The following ITGA4 variants were observed in gnomAD, a reference collection of about 807,000 sequenced individuals.
ITGA4 encodes integrin alpha-4.
A neutral mutation model predicts 133.6 loss-of-function variants in ITGA4; 63 were observed. The observed-to-expected ratio is 0.47, with a 90% confidence interval of 0.38 to 0.58. The LOEUF is 0.58. Among genes scored for constraint, ITGA4 ranks in the 20% least tolerant of loss-of-function variants. The pLI is 0.00. For synonymous variants in ITGA4, 483 were observed against 438.0 expected, an observed-to-expected ratio of 1.10 and a Z score of -1.28; for missense variants, 1,076 against 1,252.7, an observed-to-expected ratio of 0.86 and a Z score of 2.13.
rs1358313120 is a variant in ITGA4 at position 181,536,715 on chromosome 2, A to ATGAGGTTCT, written c.*1189_*1197dup. ...TATTTTTATAGTTTGTTCATACTAT[A>ATGAGGTTCT]TGAGGTTCTATTTTAAATGACTTTC... is the stretch of plus-strand genomic sequence containing the variant. On this transcript the variant is annotated 3_prime_UTR_variant, in exon 28 of 28. Coordinates refer to ENST00000397033, the MANE Select transcript of ITGA4 (RefSeq NM_000885.6). The ATGAGGTTCT allele has an allele frequency of 4.2e-6, 1 of 237,264 alleles. No individual in the cohort carries two copies. Among genetic ancestry groups the ATGAGGTTCT allele is most frequent in the Non-Finnish European group, 8.5e-6 (1 of 117,802 alleles). The allele number at this position is 237,264 out of a possible 1,614,324, so 14.7% of individuals were successfully genotyped here.
intron 16 of ITGA4, among the ~76,000 whole-genome samples, 155 bp from the exon 17 acceptor site, chr2:181,511,544 A>G (rs924189105): frequency 3.3e-5 from 5 of 152,048 alleles, no homozygotes; most frequent in Non-Finnish European, 7.4e-5. Context: ...CTAATTCTCA[A>G]ATTGAACTTT....
chr2:181,470,139 G>T (rs1018030861), intron 2 of ITGA4, among the ~76,000 whole-genome samples: 1 of 151,966 alleles, frequency 6.6e-6, no homozygotes, highest in Non-Finnish European at 1.5e-5. Context: ...TGATGGGAAA[G>T]TAAGTATAAC....
intron 11 of ITGA4, 122 bp from the exon 12 acceptor site, chr2:181,494,600 G>A: frequency 1.5e-6 from 1 of 655,158 alleles, no homozygotes; most frequent in Non-Finnish European, 2.7e-6. Flanking sequence ...TAACTAAAAT[G>A]CAGCTTTGTT....
rs1173549776 is a variant in ITGA4, at chr2:181,471,398, AT to A, written c.320-3561del. ...TGGAAATAGGCCAGAAACATTGTAA[AT>A]AAATAAATGTAGTTAACCTTAACAA... is the stretch of plus-strand genomic sequence containing the variant. On this transcript the variant is annotated intron_variant, in intron 2 of 27. Coordinates refer to ENST00000397033, the MANE Select transcript of ITGA4 (RefSeq NM_000885.6). Among the ~76,000 whole-genome samples the A allele has an allele frequency of 3.3e-5, 5 of 152,202 alleles. 1 individual carries two copies. The highest frequency in any genetic ancestry group is 7.3e-5 in the Non-Finnish European group (5 of 68,044).
Position 181,487,242 on chromosome 2 carries a change from T to A in ITGA4, c.1153+1250T>A, listed in dbSNP as rs74340827. 2.4e-4 allele frequency among the ~76,000 whole-genome samples: 36 copies of A among 152,218 alleles called. No individual in the cohort carries two copies. The East Asian group carries it at 4.8e-3, about 20-fold the overall frequency. On this transcript the variant is annotated intron_variant, in intron 10 of 27. Coordinates refer to ENST00000397033, the MANE Select transcript of ITGA4 (RefSeq NM_000885.6). Reference sequence around the variant, plus strand: ...TAGCTTCCCCCTACTTCCCTTACCCTCCCAGGACCCCAGGTTGGGCATTGG... The same window carrying A: ...TAGCTTCCCCCTACTTCCCTTACCCACCCAGGACCCCAGGTTGGGCATTGG...
intron 2 of ITGA4, among the ~76,000 whole-genome samples, chr2:181,474,198 T>C (rs1057190367): frequency 6.6e-6 from 1 of 152,210 alleles, no homozygotes; most frequent in Non-Finnish European, 1.5e-5. Context: ...CAAATAATTT[T>C]TTCTAACAAA....
chr2:181,526,822 T>TTTTTTTG (rs1686840112), intron 21 of ITGA4, among the ~76,000 whole-genome samples: 1 of 38,126 alleles, frequency 2.6e-5, no homozygotes, highest in Non-Finnish European at 4.2e-5. Context: ...GCACATGGCC[T>TTTTTTTG]TTTTTTTTTT....
At chr2:181,457,900 G>A in intron 1 of ITGA4, 49 bp downstream of exon 1, 1 of 1,512,324 alleles carries the variant, frequency 6.6e-7, no homozygotes. Flanking sequence ...AGCGGCGTGA[G>A]AATGGCGCCC....
chr2:181,483,904 G>GA (rs1354949258), intron 9 of ITGA4, among the ~76,000 whole-genome samples: 1 of 152,066 alleles, frequency 6.6e-6, no homozygotes, highest in East Asian at 1.9e-4. Context: ...ATCTCATTAA[G>GA]AAAAAACAGA....
intron 17 of ITGA4, among the ~76,000 whole-genome samples, chr2:181,519,802 C>T (rs559209625): frequency 2.6e-5 from 4 of 152,194 alleles, no homozygotes; most frequent in Non-Finnish European, 4.4e-5. Context: ...CAGATAAACA[C>T]GGTTTAAGGC....
chr2:181,465,476 T>C (rs1402276194), intron 2 of ITGA4, among the ~76,000 whole-genome samples: 1 of 152,138 alleles, frequency 6.6e-6, no homozygotes, highest in Non-Finnish European at 1.5e-5. Flanking sequence ...CATGGAACTT[T>C]AATACTGACC....
In ITGA4 at chr2:181,537,457, C is replaced by T. The variant is rs1289286332; in HGVS notation, c.*1930C>T. On this transcript the variant is annotated 3_prime_UTR_variant, in exon 28 of 28. Transcript: ENST00000397033. ...TACTTGTATCATGAATTTTAAAACC[C>T]TACCACTTTAAGAAGACAGGGATGG... 8.8e-6 allele frequency: 4 copies of T among 453,692 alleles called. No individual in the cohort carries two copies. The highest frequency in any genetic ancestry group is 1.8e-5 in the Non-Finnish European group (4 of 226,700). The allele number at this position is 453,692 out of a possible 1,614,324, so 28.1% of individuals were successfully genotyped here.
At chr2:181,479,898 A>G (rs1685765600) in intron 5 of ITGA4, among the ~76,000 whole-genome samples, 1 of 151,768 alleles carries the variant, frequency 6.6e-6, no homozygotes, top group South Asian at 2.1e-4. Flanking sequence ...TTTGAAATCC[A>G]CTGATAAATG....
chr2:181,531,653 C>T lies in ITGA4; in HGVS notation c.2665-4C>T. ...TAATGTAGCACTTTTATATTCCCTTCAAGTACTGCATAAAAGCTGATCCAC... is the reference window on the plus strand; with the variant it reads ...TAATGTAGCACTTTTATATTCCCTTTAAGTACTGCATAAAAGCTGATCCAC... On this transcript the variant is annotated splice_region_variant and splice_polypyrimidine_tract_variant and intron_variant, in intron 24 of 27. Coordinates refer to ENST00000397033, the MANE Select transcript of ITGA4 (RefSeq NM_000885.6). 1.3e-6 allele frequency: 2 copies of T among 1,563,382 alleles called. No individual in the cohort carries two copies. The highest frequency in any genetic ancestry group is 1.7e-6 in the Non-Finnish European group (2 of 1,147,462).
chr2:181,471,690 C>G (rs1377380978), intron 2 of ITGA4, among the ~76,000 whole-genome samples: 2 of 152,128 alleles, frequency 1.3e-5, no homozygotes, highest in Non-Finnish European at 2.9e-5. Context: ...TTGACCCCCA[C>G]CCCACCAATT....
chr2:181,477,134 A>T (rs1207078447), intron 4 of ITGA4, among the ~76,000 whole-genome samples: 2 of 152,074 alleles, frequency 1.3e-5, no homozygotes, highest in African/African-American at 4.8e-5. Context: ...GTTTTTTTTT[A>T]AATGCCTTTG....
At chr2:181,514,246 A>C (rs1686561724) in intron 17 of ITGA4, among the ~76,000 whole-genome samples, 1 of 152,112 alleles carries the variant, frequency 6.6e-6, no homozygotes, top group Non-Finnish European at 1.5e-5. Flanking sequence ...GGGAACTGAA[A>C]GGAATGGAAA....
intron 15 of ITGA4, among the ~76,000 whole-genome samples, chr2:181,504,345 G>T (rs1189129239): frequency 1.3e-5 from 2 of 151,950 alleles, no homozygotes; most frequent in African/African-American, 4.8e-5. Flanking sequence ...TAAATCTTTA[G>T]GTGACTTCTA....
intron 22 of ITGA4, 79 bp downstream of exon 22, chr2:181,527,466 C>A: frequency 3.1e-6 from 3 of 965,400 alleles, no homozygotes; most frequent in Non-Finnish European, 4.9e-6. Flanking sequence ...GGACATTGTA[C>A]ACCTATGACG....
Sources: gnomAD v4.1 joint callset for allele counts (sites outside exome capture counted in the v4.1 genomes callset) on GRCh38, gnomAD v4.1.1 for gene constraint, MANE v1.5 for transcripts, NCBI Gene and HGNC (gene_info 2026-07-23, HGNC 2026-07-21) for gene names.